The following ASB11 variants were observed in gnomAD, a reference collection of about 807,000 sequenced individuals.
The protein encoded by ASB11 is ankyrin repeat and SOCS box protein 11.
ASB11 carries 17 observed loss-of-function variants against 20.1 expected under a neutral mutation model. The observed-to-expected ratio is 0.85, with a 90% CI of 0.58 to 1.27. The LOEUF (loss-of-function observed/expected upper bound fraction) is 1.27, where lower values mean the gene tolerates loss of function less well. Ranked by LOEUF, ASB11 falls within the 50% of genes most tolerant of loss-of-function variation. The pLI is 0.00. For missense variants in ASB11, 259 were observed against 256.9 expected (o/e 1.01, Z -0.06); for synonymous variants, 107 against 105.6 (o/e 1.01, Z -0.08).
intron 6 of ASB11, among the ~76,000 whole-genome samples, chrX:15,285,140 CTTTTTTTT>C (rs767822616): frequency 7.6e-4 from 62 of 81,540 alleles, no homozygotes; most frequent in South Asian, 5.9e-4. Context: ...TTTAATCTTT[CTTTTTTTT>C]TTTTTTTTTT....
chrX:15,310,385 C>T (rs1402232134), intron 1 of ASB11, among the ~76,000 whole-genome samples: 1 of 112,145 alleles, frequency 8.9e-6, no homozygotes, highest in Admixed American at 9.5e-5. Context: ...CACAGGGCTG[C>T]AAACACATTA....
intron 6 of ASB11, among the ~76,000 whole-genome samples, chrX:15,283,980 C>T (rs185688436): frequency 3.6e-5 from 4 of 111,152 alleles, no homozygotes; most frequent in South Asian, 3.8e-4. Flanking sequence ...GGGCCAGGCA[C>T]GGTGGCTCAC....
In ASB11 at chrX:15,310,262, T is replaced by A. The variant is rs187668974; in HGVS notation, c.181+5163A>T. On this transcript the variant is annotated intron_variant, in intron 1 of 6. Transcript: ENST00000480796. ...ACTTGGCAGCTTGGGAGTTTTTCCA[T>A]TCCCTTCAGGAAGTATGCAACTGAG... Among the ~76,000 whole-genome samples the A allele has an allele frequency of 3.3e-3, 364 of 111,688 alleles. 5 individuals carry two copies. The highest frequency in any genetic ancestry group is 0.011 in the African/African-American group (329 of 30,800).
chrX:15,283,489 C>T lies in ASB11; in HGVS notation c.*16G>A. On this transcript the variant is annotated 3_prime_UTR_variant, in exon 7 of 7. Transcript: ENST00000480796. ...AATCTGTGTCATTCCAAGTATCTTCCCAGGAACACTTAGGACTATTGGTAT... is the reference window on the plus strand; with the variant it reads ...AATCTGTGTCATTCCAAGTATCTTCTCAGGAACACTTAGGACTATTGGTAT... The T allele has an allele frequency of 8.3e-7, 1 of 1,209,678 alleles. No homozygotes were observed. The highest frequency in any genetic ancestry group is 1.1e-6 in the Non-Finnish European group (1 of 894,017).
At chrX:15,311,660 C>CT (rs34332247) in intron 1 of ASB11, among the ~76,000 whole-genome samples, 1,333 of 104,940 alleles carry the variant, frequency 0.013, 16 homozygotes, top group African/African-American at 0.038. Flanking sequence ...TAAAATAGCC[C>CT]TTTTTTTTTT....
In ASB11 at chrX:15,302,816, C is replaced by T. The variant is rs777876813; in HGVS notation, c.182-9G>A. On this transcript the variant is annotated splice_polypyrimidine_tract_variant and intron_variant, in intron 1 of 6. Coordinates refer to ENST00000480796, the MANE Select transcript of ASB11 (RefSeq NM_080873.3). Reference sequence around the variant, plus strand: ...TCGATCAGCCCAGCAATCTGAAACACAAATCAAGCTCAAAGTCAAGGCCTG... The same window carrying T: ...TCGATCAGCCCAGCAATCTGAAACATAAATCAAGCTCAAAGTCAAGGCCTG... The T allele has an allele frequency of 6.6e-6, 8 of 1,204,825 alleles. No individual in the cohort carries two copies. The Admixed American group carries it at 8.7e-5, about 13-fold the overall frequency.
chrX:15,307,160 G>C (rs1225269803), intron 1 of ASB11, among the ~76,000 whole-genome samples: 2 of 112,758 alleles, frequency 1.8e-5, no homozygotes, highest in African/African-American at 3.2e-5. Flanking sequence ...TCTCCAAGTG[G>C]GCTGTGGTGA....
At position 15,282,808 on chromosome X, in the gene ASB11, A is replaced by G; in HGVS notation, c.*697T>C. On this transcript the variant is annotated 3_prime_UTR_variant, in exon 7 of 7. Transcript: ENST00000480796. ...CTTAACTTTATATATGTATATATAT[A>G]TAAAGTCTATATAAATATATATAAC... is the stretch of plus-strand genomic sequence containing the variant. 9.3e-6 allele frequency: 1 copy of G among 107,201 alleles called. No individual in the cohort carries two copies. Among genetic ancestry groups the G allele is most frequent in the Non-Finnish European group, 1.9e-5 (1 of 52,233 alleles). The allele number at this position is 107,201 out of a possible 1,213,427, so 8.8% of individuals were successfully genotyped here.
intron 4 of ASB11, among the ~76,000 whole-genome samples, chrX:15,292,769 T>G (rs1927565052): frequency 1.8e-5 from 2 of 112,038 alleles, no homozygotes; most frequent in Non-Finnish European, 3.8e-5. Context: ...GGTTGGTATT[T>G]TATGGGCTTT....
rs1182463292 is a variant in ASB11, at chrX:15,311,661, T to C, written c.181+3764A>G. Among the ~76,000 whole-genome samples the C allele has an allele frequency of 1.0e-4, 10 of 99,124 alleles. No homozygotes were observed. In the East Asian group the frequency reaches 2.3e-3, roughly 23 times the overall value. The allele number at this position is 99,124 out of a possible 115,157, so 86.1% of individuals were successfully genotyped here. A position where few individuals can be genotyped will look rare whatever the true frequency, so the allele number is the denominator to read the frequency against. On this transcript the variant is annotated intron_variant, in intron 1 of 6. Transcript: ENST00000480796. ...TTTTAGACACAGCTTAAAATAGCCC[T>C]TTTTTTTTTTGAAAGAGGGCACTAC...
chrX:15,284,551 G>A (rs1342040665), intron 6 of ASB11, among the ~76,000 whole-genome samples: 1 of 111,172 alleles, frequency 9.0e-6, no homozygotes, highest in East Asian at 2.8e-4. Context: ...ATTCTTGCAA[G>A]GATTCCAGCT....
intron 3 of ASB11, among the ~76,000 whole-genome samples, chrX:15,296,953 A>G (rs1920969981): frequency 8.9e-6 from 1 of 112,419 alleles, no homozygotes; most frequent in Non-Finnish European, 1.9e-5. Context: ...AATTGCAAAG[A>G]CCTGAAAGCA....
At chrX:15,307,122 C>A (rs1263978480) in intron 1 of ASB11, among the ~76,000 whole-genome samples, 1 of 112,679 alleles carries the variant, frequency 8.9e-6, no homozygotes, top group African/African-American at 3.2e-5. Context: ...GTTATCAACA[C>A]GAATGTTTTC....
At chrX:15,314,217 GAACACCAA>G (rs1921536805) in intron 1 of ASB11, 1 of 788,431 alleles carries the variant, frequency 1.3e-6, no homozygotes, top group Admixed American at 4.5e-5. Flanking sequence ...TTATCTATGA[GAACACCAA>G]AACTATTATT....
At chrX:15,285,657 T>C (rs1331680461) in intron 6 of ASB11, among the ~76,000 whole-genome samples, 1 of 111,586 alleles carries the variant, frequency 9.0e-6, no homozygotes, top group African/African-American at 3.3e-5. Context: ...AAGATCATAA[T>C]TCTTCTGGTG....
intron 1 of ASB11, among the ~76,000 whole-genome samples, chrX:15,310,498 G>A (rs1778740353): frequency 8.9e-6 from 1 of 111,977 alleles, no homozygotes; most frequent in Non-Finnish European, 1.9e-5. Context: ...TTCTCAGAAT[G>A]TGATTTGTAT....
chrX:15,288,841 C>T (rs1340499491), intron 5 of ASB11, among the ~76,000 whole-genome samples: 2 of 110,180 alleles, frequency 1.8e-5, no homozygotes, highest in South Asian at 3.9e-4. Flanking sequence ...GCTGAGGTCA[C>T]GCCATTGCAC....
Position 15,315,592 on chromosome X carries a change from G to A in ASB11, c.14C>T (p.Pro5Leu), listed in dbSNP as rs138718927. Reference sequence around the variant, plus strand: ...AATGTTTTTAAAGCCATAGAAAACAGGACCATCTTCCATTTTGGCTTATGC... The same window carrying A: ...AATGTTTTTAAAGCCATAGAAAACAAGACCATCTTCCATTTTGGCTTATGC... MEDG[P>L]VFYGFKNIFI... Residue 5 changes from proline to leucine, a missense_variant, in exon 1 of 7, where the codon CCT becomes CTT. By Grantham distance (98) the Pro-to-Leu change is moderately conservative. Coordinates refer to ENST00000480796, the MANE Select transcript of ASB11 (RefSeq NM_080873.3). 128 of 1,170,739 alleles carry A rather than the reference G, an allele frequency of 1.1e-4. No homozygotes were observed. In the African/African-American group the frequency reaches 1.8e-3, roughly 17 times the overall value.
chrX:15,307,492 A>T (rs1040640700), intron 1 of ASB11, among the ~76,000 whole-genome samples: 1 of 112,299 alleles, frequency 8.9e-6, no homozygotes, highest in African/African-American at 3.2e-5. Flanking sequence ...GCAGTTCACA[A>T]TAGGGCTCAC....
Sources: allele counts gnomAD v4.1 joint callset (sites outside exome capture counted in the v4.1 genomes callset), GRCh38; gene constraint gnomAD v4.1.1; transcripts MANE v1.5; gene names NCBI Gene and HGNC (gene_info 2026-07-23, HGNC 2026-07-21).